Variants in PHF20 observed in about 807,000 individuals in gnomAD.
PHF20 encodes PHD finger protein 20.
In PHF20, 23 loss-of-function variants were observed where a neutral mutation model predicts 113.5. The observed-to-expected ratio is 0.20, with a 90% CI of 0.15 to 0.29. The LOEUF (loss-of-function observed/expected upper bound fraction) is 0.29, where lower values mean the gene tolerates loss of function less well. Ranked by LOEUF, PHF20 falls within the 10% of genes least tolerant of loss-of-function variation. The probability of loss-of-function intolerance (pLI) is 1.00; values close to 1 mark genes in which losing one functional copy is unlikely to be tolerated. For missense variants in PHF20, 943 were observed against 1,219.6 expected, an observed-to-expected ratio of 0.77 and a Z score of 3.38; for synonymous variants, 434 against 457.3, an observed-to-expected ratio of 0.95 and a Z score of 0.65.
intron 1 of PHF20, among the ~76,000 whole-genome samples, chr20:35,780,677 C>T (rs1173163197): frequency 1.5e-5 from 2 of 133,756 alleles, no homozygotes; most frequent in South Asian, 2.4e-4. Context: ...CTCCTGAGTA[C>T]CTGGGATTAC....
Position 35,941,064 on chromosome 20 carries a change from G to A in PHF20, c.2896+17G>A. ...AGTTGGATGGTAGGGCTCCTTCATTGGCCCCCTGTGCATTGGCATGCAGTC... is the reference window on the plus strand; with the variant it reads ...AGTTGGATGGTAGGGCTCCTTCATTAGCCCCCTGTGCATTGGCATGCAGTC... On this transcript the variant is annotated intron_variant, in intron 17 of 17. Coordinates refer to ENST00000374012, the MANE Select transcript of PHF20 (RefSeq NM_016436.5). 4 of 1,606,296 alleles carry A rather than the reference G, an allele frequency of 2.5e-6. No homozygotes were observed. The highest frequency in any genetic ancestry group is 3.4e-6 in the Non-Finnish European group (4 of 1,174,804).
At chr20:35,921,225 G>A (rs1316487081) in intron 13 of PHF20, among the ~76,000 whole-genome samples, 1 of 152,138 alleles carries the variant, frequency 6.6e-6, no homozygotes, top group Non-Finnish European at 1.5e-5. Flanking sequence ...GCTCCGTTTT[G>A]AGGTCAACAT....
chr20:35,803,684 A>ATATGTGTG (rs1555917992), intron 2 of PHF20, among the ~76,000 whole-genome samples: 2 of 144,340 alleles, frequency 1.4e-5, no homozygotes, highest in Non-Finnish European at 3.0e-5. Context: ...GTATATATAT[A>ATATGTGTG]TGTGTGTGTG....
intron 9 of PHF20, among the ~76,000 whole-genome samples, chr20:35,893,283 T>C (rs1370956991): frequency 6.6e-6 from 1 of 152,154 alleles, no homozygotes; most frequent in East Asian, 1.9e-4. Context: ...TCCAGTCATA[T>C]CTATCTTTCA....
At chr20:35,834,825 A>G (rs987738482) in intron 2 of PHF20, among the ~76,000 whole-genome samples, 3 of 152,162 alleles carry the variant, frequency 2.0e-5, no homozygotes, top group African/African-American at 7.2e-5. Context: ...TTGTGTTTAT[A>G]TTAGCCATTT....
intron 1 of PHF20, among the ~76,000 whole-genome samples, chr20:35,778,632 C>T (rs936364418): frequency 6.6e-6 from 1 of 151,738 alleles, no homozygotes; most frequent in Admixed American, 6.6e-5. Flanking sequence ...AGGTGCCTGT[C>T]ATCCCAGCTA....
intron 9 of PHF20, among the ~76,000 whole-genome samples, chr20:35,896,135 A>G (rs1398991265): frequency 1.3e-5 from 2 of 151,288 alleles, no homozygotes; most frequent in East Asian, 3.9e-4. Context: ...GTTGGTTTAA[A>G]TTGGCTCTAT....
intron 4 of PHF20, among the ~76,000 whole-genome samples, chr20:35,853,780 A>T (rs1295655190): frequency 7.0e-6 from 1 of 143,220 alleles, no homozygotes; most frequent in Non-Finnish European, 1.5e-5. Context: ...TTTGAGATGG[A>T]GTCTTGCTCT....
intron 2 of PHF20, among the ~76,000 whole-genome samples, chr20:35,833,050 CAAA>C (rs56997481): frequency 5.3e-4 from 37 of 69,824 alleles, no homozygotes; most frequent in East Asian, 1.8e-3. Context: ...GACTCCATCT[CAAA>C]AAAAAAAAAA....
At chr20:35,780,436 C>G (rs1227258743) in intron 1 of PHF20, among the ~76,000 whole-genome samples, 2 of 151,612 alleles carry the variant, frequency 1.3e-5, no homozygotes, top group Non-Finnish European at 2.9e-5. Flanking sequence ...CCATGTTAGC[C>G]AGGATGGTCT....
chr20:35,933,304 C>T (rs1367520771), intron 15 of PHF20, among the ~76,000 whole-genome samples: 1 of 151,672 alleles, frequency 6.6e-6, no homozygotes, highest in Non-Finnish European at 1.5e-5. Flanking sequence ...GTGATCTTGG[C>T]TCACTGCTAC....
intron 3 of PHF20, among the ~76,000 whole-genome samples, chr20:35,844,436 A>G (rs1428277456): frequency 7.5e-6 from 1 of 133,966 alleles, no homozygotes; most frequent in Non-Finnish European, 1.6e-5. Context: ...TTTTTTGATA[A>G]TGTTGTCCAG....
In PHF20 at chr20:35,863,085, A is replaced by G; in HGVS notation, c.493A>G (p.Lys165Glu). 1 of 1,610,926 alleles carries G rather than the reference A, an allele frequency of 6.2e-7. No homozygotes were observed. The highest frequency in any genetic ancestry group is 8.5e-7 in the Non-Finnish European group (1 of 1,179,312). ...TTCATCATCTCCTGATAAACGAGAGAAGTTTAAAGAACAGAGAAAAGCAAC... is the reference window on the plus strand; with the variant it reads ...TTCATCATCTCCTGATAAACGAGAGGAGTTTAAAGAACAGAGAAAAGCAAC... ...SLSSSPDKRE[K>E]FKEQRKATVN... Residue 165 changes from lysine to glutamate, a missense_variant, in exon 6 of 18, where the codon AAG becomes GAG. This residue lies in a region of PHF20 where 592 missense variants were observed against 787.2 expected (regional missense o/e 0.75). Transcript: ENST00000374012.
intron 17 of PHF20, 76 bp from the exon 18 acceptor site, chr20:35,947,409 C>T: frequency 1.3e-6 from 2 of 1,502,404 alleles, no homozygotes; most frequent in Non-Finnish European, 1.8e-6. Context: ...GAATAAGGTG[C>T]TGAAATGCTT....
chr20:35,884,965 G>A (rs1302522075), intron 9 of PHF20, among the ~76,000 whole-genome samples: 2 of 152,094 alleles, frequency 1.3e-5, no homozygotes, highest in African/African-American at 4.8e-5. Flanking sequence ...CGAGTAGCTG[G>A]AATTACAGGC....
intron 2 of PHF20, among the ~76,000 whole-genome samples, chr20:35,832,174 A>T (rs753045508): frequency 6.6e-6 from 1 of 152,110 alleles, no homozygotes; most frequent in Non-Finnish European, 1.5e-5. Context: ...TCAGCTGGAA[A>T]ATGCCTACTC....
At chr20:35,777,220 G>A (rs2041192755) in intron 1 of PHF20, among the ~76,000 whole-genome samples, 1 of 152,112 alleles carries the variant, frequency 6.6e-6, no homozygotes, top group Admixed American at 6.6e-5. Context: ...GTATTTACTT[G>A]TCAGTTCTCT....
chr20:35,919,048 A>C (rs924722362), intron 13 of PHF20, among the ~76,000 whole-genome samples: 28 of 151,458 alleles, frequency 1.8e-4, no homozygotes, highest in African/African-American at 6.8e-4. Flanking sequence ...GGAGTTTTGC[A>C]CTTGTTTCCC....
intron 1 of PHF20, chr20:35,782,620 G>A (rs1271435519): frequency 2.0e-5 from 3 of 152,210 alleles, no homozygotes; most frequent in African/African-American, 7.2e-5. Flanking sequence ...GTATGTGGTG[G>A]TGAGGATGTA....
Sources: gnomAD v4.1 joint callset for allele counts (sites outside exome capture counted in the v4.1 genomes callset) on GRCh38, gnomAD v4.1.1 for gene constraint, gnomAD v4.1.1 regional missense constraint, MANE v1.5 for transcripts, NCBI Gene and HGNC (gene_info 2026-07-23, HGNC 2026-07-21) for gene names.